Variants in DNAH11 observed in about 807,000 individuals in gnomAD.
DNAH11 encodes the protein dynein axonemal heavy chain 11, also known as axonemal beta dynein heavy chain 11.
Under a neutral mutation model 526.0 loss-of-function variants are expected in DNAH11, and 442 were observed. The observed-to-expected ratio is 0.84, with a 90% confidence interval of 0.78 to 0.91. The LOEUF is 0.91. Among genes scored for constraint, DNAH11 ranks in the 40% least tolerant of loss-of-function variants. The pLI, the probability that DNAH11 is intolerant of heterozygous loss-of-function variation, is 0.00. For missense variants in DNAH11, 6,989 were observed against 5,448.7 expected (o/e 1.28, Z -8.90); for synonymous variants, 2,461 against 1,935.9 (o/e 1.27, Z -7.12).
intron 41 of DNAH11, 128 bp downstream of exon 41, chr7:21,710,831 G>A (rs1784438508): frequency 3.3e-6 from 3 of 916,190 alleles, no homozygotes; most frequent in Non-Finnish European, 4.7e-6. Flanking sequence ...TTATTATTTT[G>A]ATAAGTGTTG....
In DNAH11 at chr7:21,720,742, G is replaced by T; in HGVS notation, c.7152G>T (p.Leu2384Phe). 6.3e-7 allele frequency: 1 copy of T among 1,579,612 alleles called. No homozygotes were observed. Residue 2384 changes from leucine to phenylalanine, a missense_variant, in exon 44 of 82, where the codon TTG (leucine) becomes TTT (phenylalanine). Transcript: ENST00000409508. ...SSLVQTLCVL[L>F]ECLLTPENVP... The stretch of plus-strand genomic sequence containing the variant: ...TTCTTTAGACTCTATGTGTTCTTTT[G>T]GAGTGCTTGCTGACTCCTGAAAATG...
chr7:21,567,563 A>G (rs184357920), intron 6 of DNAH11, among the ~76,000 whole-genome samples: 146 of 152,302 alleles, frequency 9.6e-4, no homozygotes, highest in African/African-American at 3.4e-3. Flanking sequence ...CAGTGCTTGC[A>G]CCATCCCCAC....
At chr7:21,855,534 T>C (rs1782811317) in intron 68 of DNAH11, among the ~76,000 whole-genome samples, 1 of 152,220 alleles carries the variant, frequency 6.6e-6, no homozygotes. Flanking sequence ...GAATATAATA[T>C]CCCCATTTAA....
chr7:21,705,512 G>A lies in DNAH11; in HGVS notation c.6521G>A (p.Gly2174Glu). Residue 2174 changes from glycine (G) to glutamate (E), a missense_variant, in exon 39 of 82, where the codon GGA becomes GAA. Coordinates refer to ENST00000409508, the MANE Select transcript of DNAH11 (RefSeq NM_001277115.2). Reference sequence around the variant, plus strand: ...GTGCGGCACTCGGTCTTTGTAGTTGGAAATGCAGGCACAGGAAAGAGTAAG... The same window carrying A: ...GTGCGGCACTCGGTCTTTGTAGTTGAAAATGCAGGCACAGGAAAGAGTAAG... ...LAVRHSVFVV[G>E]NAGTGKSKIL... 3 of 1,613,686 alleles carry A rather than the reference G, an allele frequency of 1.9e-6. No homozygotes were observed. Among genetic ancestry groups the A allele is most frequent in the Non-Finnish European group, 2.5e-6 (3 of 1,179,710 alleles).
chr7:21,653,854 TAAAGATTA>T (rs1781893017), intron 28 of DNAH11, among the ~76,000 whole-genome samples: 1 of 152,210 alleles, frequency 6.6e-6, no homozygotes, highest in Non-Finnish European at 1.5e-5. Context: ...CTGAAAGCTT[TAAAGATTA>T]AATCACCCTA....
At chr7:21,551,856 T>G (rs185848058) in intron 2 of DNAH11, among the ~76,000 whole-genome samples, 1 of 141,490 alleles carries the variant, frequency 7.1e-6, no homozygotes, top group East Asian at 2.5e-4. Flanking sequence ...TATTTGTTGT[T>G]ATGAGCAAAT....
At chr7:21,873,900 C>T in intron 74 of DNAH11, among the ~76,000 whole-genome samples, 1 of 139,738 alleles carries the variant, frequency 7.2e-6, no homozygotes, top group Non-Finnish European at 1.5e-5. Flanking sequence ...AAGCAATTCT[C>T]CTGCCTCAGC....
At chr7:21,595,187 A>G (rs1784819819) in intron 14 of DNAH11, among the ~76,000 whole-genome samples, 2 of 152,186 alleles carry the variant, frequency 1.3e-5, no homozygotes, top group South Asian at 4.1e-4. Flanking sequence ...CAGACTGCCA[A>G]CTTCTCATTG....
intron 52 of DNAH11, among the ~76,000 whole-genome samples, chr7:21,748,994 T>G (rs1786283730): frequency 6.6e-6 from 1 of 152,222 alleles, no homozygotes; most frequent in South Asian, 2.1e-4. Context: ...AAATATTTAC[T>G]TAAACACTTG....
At chr7:21,781,852 G>A (rs1467321010) in intron 57 of DNAH11, among the ~76,000 whole-genome samples, 1 of 152,140 alleles carries the variant, frequency 6.6e-6, no homozygotes, top group East Asian at 1.9e-4. Flanking sequence ...CAAAGTATTG[G>A]CAAGTTTGGT....
rs1205918095 is a variant in DNAH11 at position 21,658,788 on chromosome 7, G to A, written c.5095-10G>A. On this transcript the variant is annotated splice_polypyrimidine_tract_variant and intron_variant, in intron 29 of 81. Coordinates refer to ENST00000409508, the MANE Select transcript of DNAH11 (RefSeq NM_001277115.2). Reference sequence around the variant, plus strand: ...AGCCTGTGTTATAACATTTCAACTTGCTTCCAAAGGTGGAAACATGGCTTC... The same window carrying A: ...AGCCTGTGTTATAACATTTCAACTTACTTCCAAAGGTGGAAACATGGCTTC... 6.4e-7 allele frequency: 1 copy of A among 1,554,420 alleles called. No homozygotes were observed. The highest frequency in any genetic ancestry group is 2.4e-5 in the East Asian group (1 of 42,542).
At chr7:21,765,330 G>T (rs932498982) in intron 54 of DNAH11, 98 bp from the exon 55 acceptor site, 48 of 1,554,814 alleles carry the variant, frequency 3.1e-5, no homozygotes, top group Non-Finnish European at 4.0e-5. Context: ...TAATGTCACA[G>T]TTGGCTGCAC....
chr7:21,860,661 G>A (rs1657192303), intron 68 of DNAH11, among the ~76,000 whole-genome samples: 1 of 152,134 alleles, frequency 6.6e-6, no homozygotes, highest in Non-Finnish European at 1.5e-5. Context: ...GATGAACCTT[G>A]ATATTATCCT....
chr7:21,764,262 A>T (rs1286917385), intron 54 of DNAH11, among the ~76,000 whole-genome samples: 1 of 126,292 alleles, frequency 7.9e-6, no homozygotes, highest in African/African-American at 2.7e-5. Flanking sequence ...GGCATATAAA[A>T]TAAACAATAA....
intron 30 of DNAH11, among the ~76,000 whole-genome samples, chr7:21,672,648 T>A (rs1333976916): frequency 6.6e-6 from 1 of 152,204 alleles, no homozygotes; most frequent in Non-Finnish European, 1.5e-5. Context: ...ATGGCTTGGG[T>A]GTCCCCATAT....
At chr7:21,851,542 T>A (rs999700113) in intron 66 of DNAH11, 8 of 471,356 alleles carry the variant, frequency 1.7e-5, no homozygotes, top group African/African-American at 1.4e-4. Context: ...ACTTTCCCTC[T>A]GAGCTTATGT....
chr7:21,772,356 C>A (rs1254653483), intron 55 of DNAH11, among the ~76,000 whole-genome samples: 1 of 139,984 alleles, frequency 7.1e-6, no homozygotes, highest in East Asian at 2.1e-4. Flanking sequence ...TTCTTTCTTT[C>A]TTTTTTTTTT....
chr7:21,627,417 A>C (rs1420616893), intron 25 of DNAH11, among the ~76,000 whole-genome samples: 1 of 152,132 alleles, frequency 6.6e-6, no homozygotes, highest in Non-Finnish European at 1.5e-5. Flanking sequence ...TTCAGGTCTT[A>C]GATTCAACTC....
At chr7:21,760,396 G>A (rs1287239062) in intron 54 of DNAH11, among the ~76,000 whole-genome samples, 1 of 152,088 alleles carries the variant, frequency 6.6e-6, no homozygotes, top group Non-Finnish European at 1.5e-5. Context: ...TCCTTGGAAG[G>A]TTTCTTTGGG....
Sources: gnomAD v4.1 joint callset for allele counts (sites outside exome capture counted in the v4.1 genomes callset) on GRCh38, gnomAD v4.1.1 for gene constraint, MANE v1.5 for transcripts, NCBI Gene and HGNC (gene_info 2026-07-23, HGNC 2026-07-21) for gene names.